Variants in SLC5A4 observed in about 807,000 individuals in gnomAD.
SLC5A4 encodes the protein probable glucose sensor protein SLC5A4.
SLC5A4 carries 55 observed loss-of-function variants against 70.3 expected under a neutral mutation model. The ratio of observed to expected loss-of-function variants is 0.78; its 90% CI spans 0.63 to 0.98. SLC5A4 has a LOEUF of 0.98. SLC5A4 is among the 50% of genes least tolerant of loss of function. SLC5A4 has a pLI of 0.00. For synonymous variants in SLC5A4, 268 were observed against 305.7 expected, an observed-to-expected ratio of 0.88 and a Z score of 1.29; for missense variants, 735 against 839.2, an observed-to-expected ratio of 0.88 and a Z score of 1.53.
chr22:32,353,903 C>T, the SLC5A4 span, among the ~76,000 whole-genome samples: 37 of 151,696 alleles, frequency 2.4e-4, no homozygotes, highest in Non-Finnish European at 5.0e-4. Context: ...AGTGCAACCC[C>T]GGATAGTGCC....
chr22:32,289,714 C>T, the SLC5A4 span, among the ~76,000 whole-genome samples: 3 of 152,230 alleles, frequency 2.0e-5, no homozygotes, highest in South Asian at 6.2e-4. Context: ...CATTAAACCT[C>T]TTTTCTTTAT....
chr22:32,308,398 G>A, the SLC5A4 span, among the ~76,000 whole-genome samples: 5 of 152,208 alleles, frequency 3.3e-5, no homozygotes, highest in African/African-American at 7.2e-5. Flanking sequence ...GCGGCTAGAG[G>A]GATGTAAAGG....
the SLC5A4 span, among the ~76,000 whole-genome samples, chr22:32,339,323 C>CT: frequency 6.6e-6 from 1 of 152,146 alleles, no homozygotes; most frequent in Non-Finnish European, 1.5e-5. Context: ...TGTTCCAGTC[C>CT]TTACAATCAT....
chr22:32,330,924 CT>C, the SLC5A4 span, among the ~76,000 whole-genome samples: 1 of 26,328 alleles, frequency 3.8e-5, no homozygotes, highest in Non-Finnish European at 7.1e-5. Context: ...TGTTGGAGGC[CT>C]CTGGTGTGTA....
chr22:32,331,378 G>C, the SLC5A4 span, among the ~76,000 whole-genome samples: 1 of 152,060 alleles, frequency 6.6e-6, no homozygotes, highest in Admixed American at 6.5e-5. Flanking sequence ...ATGGCGGCAC[G>C]GGGGAAATGG....
At chr22:32,277,927 A>G in the SLC5A4 span, among the ~76,000 whole-genome samples, 1 of 152,152 alleles carries the variant, frequency 6.6e-6, no homozygotes, top group African/African-American at 2.4e-5. Context: ...GAATTAGGCA[A>G]CTCATAAAAA....
At chr22:32,220,845 G>T in intron 14 of SLC5A4, 75 bp downstream of exon 14, 1 of 955,838 alleles carries the variant, frequency 1.0e-6, no homozygotes, top group South Asian at 1.3e-5. Flanking sequence ...TGGATTTAAT[G>T]ACATTAAAAG....
the SLC5A4 span, among the ~76,000 whole-genome samples, chr22:32,289,184 T>A: frequency 5.3e-5 from 8 of 152,230 alleles, no homozygotes; most frequent in Non-Finnish European, 1.2e-4. Context: ...GAATGGCTGT[T>A]GAACTTTACA....
chr22:32,346,749 C>A, the SLC5A4 span, among the ~76,000 whole-genome samples: 1 of 145,856 alleles, frequency 6.9e-6, no homozygotes, highest in African/African-American at 2.6e-5. Context: ...ACCATAAAAA[C>A]CCTAGAAGAA....
At chr22:32,236,391 T>C (rs528156055) in intron 7 of SLC5A4, among the ~76,000 whole-genome samples, 6 of 152,312 alleles carry the variant, frequency 3.9e-5, no homozygotes, top group Admixed American at 3.3e-4. Flanking sequence ...ATTATCACAA[T>C]GTATTGTTAA....
chr22:32,243,382 G>T (rs568402589), intron 5 of SLC5A4, among the ~76,000 whole-genome samples: 1 of 152,202 alleles, frequency 6.6e-6, no homozygotes, highest in Non-Finnish European at 1.5e-5. Context: ...ACCCTAGACC[G>T]CATCCTGTAC....
chr22:32,270,239 C>T, the SLC5A4 span: 1 of 696,510 alleles, frequency 1.4e-6, no homozygotes, highest in South Asian at 1.5e-5. Context: ...TGCACCAATG[C>T]TGCCATGGGT....
upstream of SLC5A4, among the ~76,000 whole-genome samples, chr22:32,256,732 T>C (rs940992089): frequency 3.3e-5 from 5 of 152,252 alleles, no homozygotes; most frequent in Non-Finnish European, 7.3e-5. Context: ...ATCCATATTG[T>C]AGCATGTATC....
the SLC5A4 span, among the ~76,000 whole-genome samples, chr22:32,333,809 A>G: frequency 6.6e-6 from 1 of 150,424 alleles, no homozygotes; most frequent in Non-Finnish European, 1.5e-5. Context: ...AGATCCACAC[A>G]ATATCACACA....
At chr22:32,330,620 A>G in the SLC5A4 span, among the ~76,000 whole-genome samples, 71 of 59,752 alleles carry the variant, frequency 1.2e-3, no homozygotes, top group Admixed American at 7.6e-3. Context: ...TGTGTCAGGA[A>G]GCTCTGGTGT....
At chr22:32,334,677 C>G in the SLC5A4 span, among the ~76,000 whole-genome samples, 1 of 152,188 alleles carries the variant, frequency 6.6e-6, no homozygotes, top group Admixed American at 6.5e-5. Context: ...TCCCGAAGCT[C>G]CCTCCCTCTT....
At chr22:32,326,315 G>A in the SLC5A4 span, among the ~76,000 whole-genome samples, 1 of 148,404 alleles carries the variant, frequency 6.7e-6, no homozygotes, top group Non-Finnish European at 1.5e-5. Context: ...CCCAGGCAAT[G>A]GCACGATCTT....
chr22:32,219,703 G>T (rs948382858), intron 14 of SLC5A4, among the ~76,000 whole-genome samples: 1 of 128,396 alleles, frequency 7.8e-6, no homozygotes, highest in Non-Finnish European at 1.7e-5. Flanking sequence ...AAAACAGAAA[G>T]GATGAAATAG....
the SLC5A4 span, among the ~76,000 whole-genome samples, chr22:32,298,774 A>AT: frequency 9.5e-6 from 1 of 104,918 alleles, no homozygotes; most frequent in Non-Finnish European, 2.0e-5. Flanking sequence ...TTTTGGCATG[A>AT]TTTTGCAGCG....
Sources: allele counts gnomAD v4.1 joint callset (sites outside exome capture counted in the v4.1 genomes callset), GRCh38; gene constraint gnomAD v4.1.1; transcripts MANE v1.5; gene names NCBI Gene and HGNC (gene_info 2026-07-23, HGNC 2026-07-21).